The following BRI3BP variants were observed in gnomAD, a reference collection of about 807,000 sequenced individuals.
BRI3BP encodes BRI3-binding protein.
BRI3BP carries 7 observed loss-of-function variants against 15.8 expected under a neutral mutation model. That is an observed-to-expected ratio of 0.44 (90% CI 0.25 to 0.83). The LOEUF (loss-of-function observed/expected upper bound fraction) is 0.83, where lower values mean the gene tolerates loss of function less well. BRI3BP is among the 40% of genes least tolerant of loss of function. The probability of loss-of-function intolerance (pLI) is 0.20; values close to 1 mark genes in which losing one functional copy is unlikely to be tolerated. For synonymous variants in BRI3BP, 192 were observed against 163.5 expected (o/e 1.17, Z -1.33); for missense variants, 320 against 339.3 (o/e 0.94, Z 0.45).
In BRI3BP at chr12:124,998,696, A is replaced by G. The variant is rs767648683; in HGVS notation, c.213+4693A>G. Among the ~76,000 whole-genome samples the G allele has an allele frequency of 5.9e-5, 9 of 152,196 alleles. No individual in the cohort carries two copies. In the East Asian group the frequency reaches 1.7e-3, roughly 29 times the overall value. On this transcript the variant is annotated intron_variant, in intron 1 of 2. Coordinates refer to ENST00000341446, the MANE Select transcript of BRI3BP (RefSeq NM_080626.6). The stretch of plus-strand genomic sequence containing the variant: ...TGTGGAACTAGATAATAATGGTTGC[A>G]TGATATTGTGAACGTGCTCATGCCA...
At chr12:125,022,541 A>ATTTATTTTTTTTTTTTTTTTT in intron 2 of BRI3BP, among the ~76,000 whole-genome samples, 20 of 139,432 alleles carry the variant, frequency 1.4e-4, no homozygotes, top group African/African-American at 5.8e-4. Flanking sequence ...TTATTTATTT[A>ATTTATTTTTTTTTTTTTTTTT]TTTTTTGAGA....
intron 1 of BRI3BP, among the ~76,000 whole-genome samples, chr12:124,998,565 C>T (rs374692629): frequency 6.6e-6 from 1 of 151,966 alleles, no homozygotes; most frequent in Non-Finnish European, 1.5e-5. Flanking sequence ...TAGGAAGATC[C>T]GTAGAGACAG....
At chr12:125,024,934 G>T (rs1671641229) in intron 2 of BRI3BP, 57 bp from the exon 3 acceptor site, 4 of 1,473,282 alleles carry the variant, frequency 2.7e-6, no homozygotes, top group Non-Finnish European at 3.7e-6. Context: ...ATTCTAGCTT[G>T]TTAAGAAACC....
chr12:125,025,604 G>A lies in BRI3BP; in HGVS notation c.*174G>A. Reference sequence around the variant, plus strand: ...CAGCTCTTAGGACACATTCCCAGAAGAGCGGAAAGATCATTGACGTGGAAC... The same window carrying A: ...CAGCTCTTAGGACACATTCCCAGAAAAGCGGAAAGATCATTGACGTGGAAC... On this transcript the variant is annotated 3_prime_UTR_variant, in exon 3 of 3. Coordinates refer to ENST00000341446, the MANE Select transcript of BRI3BP (RefSeq NM_080626.6). The A allele has an allele frequency of 1.6e-6, 1 of 637,970 alleles. No individual in the cohort carries two copies. The highest frequency in any genetic ancestry group is 2.6e-6 in the Non-Finnish European group (1 of 385,680). The allele number at this position is 637,970 out of a possible 1,614,324, so 39.5% of individuals were successfully genotyped here.
the BRI3BP span, among the ~76,000 whole-genome samples, chr12:125,038,960 G>A: frequency 2.6e-5 from 4 of 151,088 alleles, no homozygotes; most frequent in Admixed American, 1.3e-4. Context: ...CATGGTGGCC[G>A]GCGCCTGTAA....
At chr12:125,039,543 CA>C in the BRI3BP span, among the ~76,000 whole-genome samples, 7 of 152,296 alleles carry the variant, frequency 4.6e-5, no homozygotes, top group Admixed American at 3.9e-4. Flanking sequence ...CTACTCTCAT[CA>C]ACTTCGATTT....
chr12:125,003,987 ACACACAC>A (rs1565902658), intron 1 of BRI3BP, among the ~76,000 whole-genome samples: 28 of 149,980 alleles, frequency 1.9e-4, no homozygotes, highest in African/African-American at 6.9e-4. Context: ...ACACACACAC[ACACACAC>A]ACACACACAA....
At chr12:125,005,214 G>A (rs1017602782) in intron 1 of BRI3BP, among the ~76,000 whole-genome samples, 1 of 152,172 alleles carries the variant, frequency 6.6e-6, no homozygotes, top group Non-Finnish European at 1.5e-5. Context: ...ATGAGACTGG[G>A]TGATGGGTTT....
intron 1 of BRI3BP, among the ~76,000 whole-genome samples, chr12:124,995,843 T>C (rs946380028): frequency 1.3e-5 from 2 of 152,222 alleles, no homozygotes; most frequent in Non-Finnish European, 2.9e-5. Context: ...ATCTCTCGCC[T>C]GTTTTCCTGC....
In BRI3BP at chr12:124,993,875, G is replaced by A. The variant is rs1955016865; in HGVS notation, c.85G>A (p.Ala29Thr). The A allele has an allele frequency of 2.4e-6, 3 of 1,231,064 alleles. No individual in the cohort carries two copies. The highest frequency in any genetic ancestry group is 4.2e-5 in the Admixed American group (1 of 23,782). The allele number at this position is 1,231,064 out of a possible 1,614,324, so 76.3% of individuals were successfully genotyped here. ...LLLLLLLGLLAPGAQGARGRG... is the reference protein window; with the variant it reads ...LLLLLLLGLLTPGAQGARGRG... The stretch of plus-strand genomic sequence containing the variant: ...GCTGCTGCTGCTGCTCGGGCTGCTG[G>A]CCCCGGGCGCGCAGGGGGCGCGGGG... Residue 29 changes from alanine to threonine, a missense_variant, in exon 1 of 3, where the codon GCC becomes ACC. Physicochemically the swap from Ala to Thr is moderately conservative, Grantham distance 58 (BLOSUM62 0). Coordinates refer to ENST00000341446, the MANE Select transcript of BRI3BP (RefSeq NM_080626.6).
intron 2 of BRI3BP, among the ~76,000 whole-genome samples, chr12:125,013,244 G>A: frequency 6.6e-6 from 1 of 152,176 alleles, no homozygotes; most frequent in Non-Finnish European, 1.5e-5. Flanking sequence ...TGCAAGAAAT[G>A]ACTAGTTATT....
In BRI3BP at chr12:125,028,851, T is replaced by A. The variant is rs1047869053; in HGVS notation, c.*3421T>A. On this transcript the variant is annotated 3_prime_UTR_variant, in exon 3 of 3. Transcript: ENST00000341446. ...CACATGTCTTTGTTTTTTTCTCTCT[T>A]TTGTATGTGGAAAAATGTATTTTTG... The A allele has an allele frequency of 6.6e-6, 1 of 152,218 alleles. No individual in the cohort carries two copies. The highest frequency in any genetic ancestry group is 2.1e-4 in the South Asian group (1 of 4,838). 9.4% of individuals were successfully genotyped at this position (152,218 alleles called of 1,614,324 possible). A position where few individuals can be genotyped will look rare whatever the true frequency, so the allele number is the denominator to read the frequency against.
At chr12:125,000,308 A>ATTTTTTTTTTTT (rs35803183) in intron 1 of BRI3BP, among the ~76,000 whole-genome samples, 1 of 92,062 alleles carries the variant, frequency 1.1e-5, no homozygotes, top group African/African-American at 4.3e-5. Context: ...GTTTCATATG[A>ATTTTTTTTTTTT]TTTTTTTTTT....
chr12:125,042,605 G>A, the BRI3BP span, among the ~76,000 whole-genome samples: 1 of 151,850 alleles, frequency 6.6e-6, no homozygotes, highest in Non-Finnish European at 1.5e-5. Flanking sequence ...CACAATCTTG[G>A]CTCACTGCAA....
downstream of BRI3BP, among the ~76,000 whole-genome samples, chr12:125,032,471 A>C (rs561009882): frequency 1.1e-4 from 17 of 151,314 alleles, no homozygotes; most frequent in East Asian, 1.6e-3. Context: ...AACAAACAAA[A>C]AAAATTACTA....
chr12:125,042,660 G>C, the BRI3BP span, among the ~76,000 whole-genome samples: 2 of 151,714 alleles, frequency 1.3e-5, no homozygotes, highest in Non-Finnish European at 2.9e-5. Context: ...TCAGCCTCCC[G>C]AGTAGCTGGG....
At chr12:125,011,726 A>T (rs73229602) in intron 1 of BRI3BP, among the ~76,000 whole-genome samples, 14,157 of 149,590 alleles carry the variant, frequency 0.095, 750 homozygotes, top group African/African-American at 0.13. Context: ...CTAATTTTTT[A>T]AAAAAAAAAG....
chr12:125,019,990 C>G (rs1397107177), intron 2 of BRI3BP, among the ~76,000 whole-genome samples: 1 of 118,210 alleles, frequency 8.5e-6, no homozygotes. Context: ...GATGGAGTCT[C>G]TCTCTGTTGC....
rs1040275280 is a variant in BRI3BP, at chr12:125,030,754, A to G, written c.*5324A>G. The stretch of plus-strand genomic sequence containing the variant: ...TTAAACTGATTAACTTGTGATGGTG[A>G]TGGTGATTAGCACACACTAAAAACC... On this transcript the variant is annotated 3_prime_UTR_variant, in exon 3 of 3. Transcript: ENST00000341446. The G allele has an allele frequency of 2.6e-5, 4 of 152,202 alleles. No individual in the cohort carries two copies. The highest frequency in any genetic ancestry group is 9.7e-5 in the African/African-American group (4 of 41,440). The allele number at this position is 152,202 out of a possible 1,614,324, so 9.4% of individuals were successfully genotyped here.
Sources: gnomAD v4.1 joint callset for allele counts (sites outside exome capture counted in the v4.1 genomes callset) on GRCh38, gnomAD v4.1.1 for gene constraint, MANE v1.5 for transcripts, NCBI Gene and HGNC (gene_info 2026-07-23, HGNC 2026-07-21) for gene names.